GRID2: variants seen among roughly 807,000 people sequenced by gnomAD.
GRID2 encodes glutamate receptor ionotropic, delta-2.
A neutral mutation model predicts 114.8 loss-of-function variants in GRID2; 33 were observed. The ratio of observed to expected loss-of-function variants is 0.29; its 90% CI spans 0.22 to 0.38. The LOEUF (loss-of-function observed/expected upper bound fraction) is 0.38, where lower values mean the gene tolerates loss of function less well. Ranked by LOEUF, GRID2 falls within the 10% of genes least tolerant of loss-of-function variation. The pLI is 1.00. For synonymous variants in GRID2, 505 were observed against 449.9 expected, an observed-to-expected ratio of 1.12 and a Z score of -1.55; for missense variants, 1,184 against 1,257.7, an observed-to-expected ratio of 0.94 and a Z score of 0.89.
intron 1 of GRID2, among the ~76,000 whole-genome samples, chr4:92,532,829 T>A (rs1019484113): frequency 6.6e-6 from 1 of 152,096 alleles, no homozygotes; most frequent in African/African-American, 2.4e-5. Context: ...TCTCAACATT[T>A]TGGGAGGCCG....
rs190986393 is a variant in GRID2 at position 92,424,170 on chromosome 4, C to G, written c.88+119426C>G. Among the ~76,000 whole-genome samples the G allele has an allele frequency of 3.9e-3, 597 of 152,156 alleles. 6 individuals carry two copies. The highest frequency in any genetic ancestry group is 0.014 in the African/African-American group (564 of 41,554). ...TAATTCTCTAGTAGTCTGTCTTGAT[C>G]CAAGATAAACTTCATTTATTTCAGG... On this transcript the variant is annotated intron_variant, in intron 1 of 15. Coordinates refer to ENST00000282020, the MANE Select transcript of GRID2 (RefSeq NM_001510.4).
chr4:92,318,913 G>A (rs1252998459), intron 1 of GRID2, among the ~76,000 whole-genome samples: 1 of 152,054 alleles, frequency 6.6e-6, no homozygotes, highest in Admixed American at 6.6e-5. Flanking sequence ...TTCTTATTTG[G>A]TGTAGGCAGG....
intron 2 of GRID2, among the ~76,000 whole-genome samples, chr4:92,655,197 C>T (rs759810492): frequency 4.0e-5 from 6 of 151,710 alleles, no homozygotes; most frequent in African/African-American, 1.2e-4. Context: ...GACGAGTTGG[C>T]GTAAATATGT....
chr4:92,337,802 C>G (rs1216287267), intron 1 of GRID2, among the ~76,000 whole-genome samples: 2 of 152,136 alleles, frequency 1.3e-5, no homozygotes, highest in African/African-American at 2.4e-5. Context: ...TATCACTAGG[C>G]AAATAAATGG....
At chr4:92,698,136 T>G (rs148609819) in intron 2 of GRID2, among the ~76,000 whole-genome samples, 1 of 152,248 alleles carries the variant, frequency 6.6e-6, no homozygotes, top group Non-Finnish European at 1.5e-5. Flanking sequence ...CTTAGTTTGG[T>G]TGTCTTTCTG....
chr4:92,931,590 C>A (rs780924566), intron 2 of GRID2, among the ~76,000 whole-genome samples: 20 of 148,944 alleles, frequency 1.3e-4, no homozygotes, highest in South Asian at 8.4e-4. Flanking sequence ...TAAGAAATTA[C>A]AAAACAACTA....
chr4:93,274,615 C>T (rs1034788806), intron 8 of GRID2, among the ~76,000 whole-genome samples: 4 of 151,940 alleles, frequency 2.6e-5, no homozygotes, highest in Non-Finnish European at 5.9e-5. Flanking sequence ...AACATTTGCC[C>T]GAGTGACAGA....
intron 1 of GRID2, among the ~76,000 whole-genome samples, chr4:92,305,647 G>A (rs1725356158): frequency 6.6e-6 from 1 of 152,142 alleles, no homozygotes. Flanking sequence ...AGATGCTGGT[G>A]GCCCCACCTA....
At chr4:93,796,958 GT>G (rs1357549114) in intron 1 of GRID2, among the ~76,000 whole-genome samples, 1 of 152,160 alleles carries the variant, frequency 6.6e-6, no homozygotes, top group Admixed American at 6.5e-5. Flanking sequence ...TCATTTCACA[GT>G]TTTGTAAACA....
intron 2 of GRID2, among the ~76,000 whole-genome samples, chr4:92,912,306 A>G (rs1455833058): frequency 1.3e-5 from 2 of 151,854 alleles, no homozygotes; most frequent in Non-Finnish European, 2.9e-5. Flanking sequence ...CTAAACAAAT[A>G]TGCCCTCAAG....
chr4:93,620,724 C>A (rs373325090), intron 13 of GRID2, among the ~76,000 whole-genome samples: 21 of 152,212 alleles, frequency 1.4e-4, no homozygotes, highest in Admixed American at 7.9e-4. Flanking sequence ...CAGTTCTTCA[C>A]CTGACAAATG....
At chr4:93,307,695 A>G (rs1307441981) in intron 8 of GRID2, among the ~76,000 whole-genome samples, 1 of 152,172 alleles carries the variant, frequency 6.6e-6, no homozygotes, top group Non-Finnish European at 1.5e-5. Context: ...ACTTAAATTT[A>G]ATGATAATAA....
intron 2 of GRID2, among the ~76,000 whole-genome samples, chr4:92,771,985 A>T (rs1174498014): frequency 2.0e-5 from 3 of 152,324 alleles, no homozygotes; most frequent in Non-Finnish European, 4.4e-5. Context: ...TCAATCAGCC[A>T]TGTCTAGCCC....
intron 2 of GRID2, among the ~76,000 whole-genome samples, chr4:92,978,138 A>T (rs1352634447): frequency 9.2e-5 from 14 of 152,174 alleles, no homozygotes; most frequent in Non-Finnish European, 1.8e-4. Context: ...AAGGGCACAC[A>T]TGAAAGGAAA....
chr4:93,324,596 T>G (rs1354223018), intron 8 of GRID2, among the ~76,000 whole-genome samples: 1 of 152,076 alleles, frequency 6.6e-6, no homozygotes, highest in Non-Finnish European at 1.5e-5. Flanking sequence ...GATTGGAACA[T>G]TTTCAGAAGG....
chr4:92,906,574 C>G (rs923966034), intron 2 of GRID2, among the ~76,000 whole-genome samples: 1 of 151,990 alleles, frequency 6.6e-6, no homozygotes, highest in Non-Finnish European at 1.5e-5. Flanking sequence ...GGAACCCAGC[C>G]CTTTCATCCT....
chr4:92,921,120 C>G (rs1050349912), intron 2 of GRID2, among the ~76,000 whole-genome samples: 3 of 152,060 alleles, frequency 2.0e-5, no homozygotes, highest in African/African-American at 7.2e-5. Context: ...CACTGATACC[C>G]TTTCTTCCAG....
chr4:92,641,769 T>C (rs1013523998), intron 2 of GRID2, among the ~76,000 whole-genome samples: 4 of 151,722 alleles, frequency 2.6e-5, no homozygotes, highest in African/African-American at 9.7e-5. Flanking sequence ...TAGGTAGCTT[T>C]ACGATGCATG....
intron 1 of GRID2, among the ~76,000 whole-genome samples, chr4:92,397,949 T>TA (rs34732771): frequency 0.33 from 49,691 of 152,006 alleles, 9,240 homozygotes; most frequent in East Asian, 0.71. Context: ...ACTTGCAAAT[T>TA]TGTGTTCACA....
Sources: gnomAD v4.1 joint callset for allele counts (sites outside exome capture counted in the v4.1 genomes callset) on GRCh38, gnomAD v4.1.1 for gene constraint, MANE v1.5 for transcripts, NCBI Gene and HGNC (gene_info 2026-07-23, HGNC 2026-07-21) for gene names.